The following CHODL variants were observed in gnomAD, a reference collection of about 807,000 sequenced individuals.
CHODL encodes the protein transmembrane protein MT75.
CHODL carries 29 observed loss-of-function variants against 34.5 expected under a neutral mutation model. That is an observed-to-expected ratio of 0.84 (90% CI 0.63 to 1.15). The LOEUF (loss-of-function observed/expected upper bound fraction) is 1.15, where lower values mean the gene tolerates loss of function less well. CHODL is among the 50% of genes most tolerant of loss of function. CHODL has a pLI of 0.00. For synonymous variants in CHODL, 125 were observed against 116.1 expected, an observed-to-expected ratio of 1.08 and a Z score of -0.49; for missense variants, 332 against 332.5, an observed-to-expected ratio of 1.00 and a Z score of 0.01.
In CHODL at chr21:18,096,968, C is replaced by T. The variant is rs181186919; in HGVS notation, c.-45+68997C>T. ...CTTTCTCTTTATTTCTCAGACCTGCCGACACTTAGCGAAAATAGAAAAGAA... is the reference window on the plus strand; with the variant it reads ...CTTTCTCTTTATTTCTCAGACCTGCTGACACTTAGCGAAAATAGAAAAGAA... On this transcript the variant is annotated intron_variant, in intron 2 of 6. Transcript: ENST00000400127. Among the ~76,000 whole-genome samples the T allele has an allele frequency of 2.2e-4, 33 of 152,062 alleles. No homozygotes were observed. In the East Asian group the frequency reaches 2.5e-3, roughly 12 times the overall value.
chr21:17,923,990 C>A lies in CHODL; in HGVS notation c.-145+6590C>A, dbSNP rs759006227. ...TGTTGACATGCTGTTCTTCCCCTCT[C>A]CCTTTCTTTGGAAGAGAAGGATGTT... is the stretch of plus-strand genomic sequence containing the variant. On this transcript the variant is annotated intron_variant, in intron 1 of 6. Transcript: ENST00000400127. Among the ~76,000 whole-genome samples the A allele has an allele frequency of 1.1e-3, 170 of 152,274 alleles. 1 individual carries two copies. The highest frequency in any genetic ancestry group is 2.0e-3 in the Non-Finnish European group (138 of 68,024).
chr21:17,985,676 C>A (rs158006), intron 1 of CHODL, among the ~76,000 whole-genome samples: 1 of 151,980 alleles, frequency 6.6e-6, no homozygotes, highest in Non-Finnish European at 1.5e-5. Flanking sequence ...ACTTGTCTCC[C>A]AGGAGAAGCT....
chr21:17,991,122 C>T (rs1243650951), intron 1 of CHODL, among the ~76,000 whole-genome samples: 1 of 152,058 alleles, frequency 6.6e-6, no homozygotes, highest in African/African-American at 2.4e-5. Context: ...CATGTTGCTA[C>T]AGTTGACAGA....
At chr21:17,937,648 A>G (rs1248468817) in intron 1 of CHODL, among the ~76,000 whole-genome samples, 1 of 152,128 alleles carries the variant, frequency 6.6e-6, no homozygotes. Flanking sequence ...CATCTCTTTA[A>G]CCACTGGAGC....
intron 1 of CHODL, among the ~76,000 whole-genome samples, chr21:17,977,104 T>C (rs1295437959): frequency 6.6e-6 from 1 of 152,172 alleles, no homozygotes; most frequent in African/African-American, 2.4e-5. Flanking sequence ...TACGTGCTTT[T>C]ATATTTATGG....
At chr21:17,965,826 T>G (rs2063567568) in intron 1 of CHODL, among the ~76,000 whole-genome samples, 1 of 151,814 alleles carries the variant, frequency 6.6e-6, no homozygotes, top group African/African-American at 2.4e-5. Flanking sequence ...AAAACTAGAG[T>G]TACATGACCA....
At chr21:17,985,364 C>G (rs2063745434) in intron 1 of CHODL, among the ~76,000 whole-genome samples, 1 of 152,170 alleles carries the variant, frequency 6.6e-6, no homozygotes, top group Non-Finnish European at 1.5e-5. Flanking sequence ...AACTCCACCT[C>G]TCGCATGTAT....
chr21:18,094,269 C>T (rs1359670613), intron 2 of CHODL, among the ~76,000 whole-genome samples: 1 of 152,036 alleles, frequency 6.6e-6, no homozygotes, highest in Non-Finnish European at 1.5e-5. Flanking sequence ...ACAATAATAG[C>T]TAGAGACTTC....
At chr21:18,128,010 A>C (rs1309313700) in intron 2 of CHODL, among the ~76,000 whole-genome samples, 1 of 151,928 alleles carries the variant, frequency 6.6e-6, no homozygotes. Flanking sequence ...ACATTCAAGA[A>C]TCTAAACAGG....
At chr21:17,951,107 C>CGT (rs3073722) in intron 1 of CHODL, among the ~76,000 whole-genome samples, 19,688 of 148,978 alleles carry the variant, frequency 0.13, 1,601 homozygotes, top group African/African-American at 0.24. Context: ...TTACTCTATA[C>CGT]GTGTGTGTGT....
At chr21:18,220,822 TATC>T (rs1404504995) in intron 2 of CHODL, among the ~76,000 whole-genome samples, 1 of 152,134 alleles carries the variant, frequency 6.6e-6, no homozygotes, top group African/African-American at 2.4e-5. Flanking sequence ...TTTTTAGAAT[TATC>T]TTTGTCTTTG....
chr21:18,212,617 A>G (rs1009845960), intron 2 of CHODL, among the ~76,000 whole-genome samples: 1 of 152,118 alleles, frequency 6.6e-6, no homozygotes, highest in East Asian at 1.9e-4. Flanking sequence ...CTCAGAATTT[A>G]TCTACATTAT....
At chr21:18,180,988 T>C (rs1275188867) in intron 2 of CHODL, among the ~76,000 whole-genome samples, 1 of 152,202 alleles carries the variant, frequency 6.6e-6, no homozygotes, top group Admixed American at 6.5e-5. Flanking sequence ...AAATGCTAAA[T>C]AAATTATAAT....
chr21:18,098,169 T>C (rs1045535379), intron 2 of CHODL, among the ~76,000 whole-genome samples: 2 of 151,958 alleles, frequency 1.3e-5, no homozygotes, highest in East Asian at 1.9e-4. Flanking sequence ...TATTGAGTAA[T>C]ACCCCACAAG....
intron 2 of CHODL, among the ~76,000 whole-genome samples, chr21:18,078,118 C>G (rs914457727): frequency 6.6e-5 from 10 of 152,040 alleles, no homozygotes; most frequent in African/African-American, 2.4e-4. Flanking sequence ...ATTTGTAAAA[C>G]GGTGTATTAG....
At chr21:18,220,199 C>T (rs1398791069) in intron 2 of CHODL, among the ~76,000 whole-genome samples, 1 of 152,078 alleles carries the variant, frequency 6.6e-6, no homozygotes, top group Non-Finnish European at 1.5e-5. Context: ...CATCCCTTCA[C>T]TTGCAGTCTA....
intron 1 of CHODL, among the ~76,000 whole-genome samples, chr21:18,248,658 T>TATATAATATATATAATAC (rs2074176501): frequency 9.8e-6 from 1 of 101,600 alleles, no homozygotes; most frequent in African/African-American, 5.2e-5. Context: ...ATTATATACA[T>TATATAATATATATAATAC]ATATATGTAT....
rs779528099 is a variant in CHODL, at chr21:17,956,536, G to A, written c.-145+39136G>A. ...TCAGTTTCTTAGTCTGTTTGGGCTG[G>A]CATAACAAAAATATCAAAGACTAGA... On this transcript the variant is annotated intron_variant, in intron 1 of 6. Transcript: ENST00000400127. Among the ~76,000 whole-genome samples, 6 of 136,216 alleles carry A rather than the reference G, an allele frequency of 4.4e-5. 1 individual carries two copies. The highest frequency in any genetic ancestry group is 1.4e-4 in the Admixed American group (2 of 13,816). 89.4% of individuals were successfully genotyped at this position (136,216 alleles called of 152,430 possible).
chr21:18,020,548 A>G (rs988450591), intron 1 of CHODL, among the ~76,000 whole-genome samples: 6 of 152,160 alleles, frequency 3.9e-5, no homozygotes, highest in African/African-American at 1.4e-4. Context: ...GATGAAAACA[A>G]TTTAATCTCT....
Sources: gnomAD v4.1 joint callset for allele counts (sites outside exome capture counted in the v4.1 genomes callset) on GRCh38, gnomAD v4.1.1 for gene constraint, MANE v1.5 for transcripts, NCBI Gene and HGNC (gene_info 2026-07-23, HGNC 2026-07-21) for gene names.